Variants in BAIAP2L1 observed in about 807,000 individuals in gnomAD.
BAIAP2L1 encodes BAR/IMD domain-containing adapter protein 2-like 1.
A neutral mutation model predicts 66.3 loss-of-function variants in BAIAP2L1; 35 were observed. That is an observed-to-expected ratio of 0.53 (90% confidence interval 0.40 to 0.70). The LOEUF (loss-of-function observed/expected upper bound fraction) is 0.70, where lower values mean the gene tolerates loss of function less well. BAIAP2L1 is among the 30% of genes least tolerant of loss of function. The pLI is 0.00. For missense variants in BAIAP2L1, 622 were observed against 656.9 expected, an observed-to-expected ratio of 0.95 and a Z score of 0.58; for synonymous variants, 269 against 248.7, an observed-to-expected ratio of 1.08 and a Z score of -0.77.
chr7:98,312,047 C>A, intron 8 of BAIAP2L1, 50 bp downstream of exon 8: 1 of 1,530,236 alleles, frequency 6.5e-7, no homozygotes, highest in Admixed American at 2.1e-5. Context: ...TGGCCCAGAT[C>A]AAGTTAGGAA....
At chr7:98,378,031 C>T (rs1802674294) in intron 1 of BAIAP2L1, among the ~76,000 whole-genome samples, 1 of 151,610 alleles carries the variant, frequency 6.6e-6, no homozygotes, top group Non-Finnish European at 1.5e-5. Flanking sequence ...CAGCTACAGG[C>T]TGAGAACTGT....
chr7:98,303,999 CAAG>C, intron 12 of BAIAP2L1, among the ~76,000 whole-genome samples, 194 bp downstream of exon 12: 1 of 152,320 alleles, frequency 6.6e-6, no homozygotes, highest in East Asian at 1.9e-4. Context: ...GGGCTGAAGT[CAAG>C]GAGGTGAAAG....
At chr7:98,339,073 TAAA>T (rs34884828) in intron 3 of BAIAP2L1, among the ~76,000 whole-genome samples, 17 of 126,676 alleles carry the variant, frequency 1.3e-4, no homozygotes, top group East Asian at 9.1e-4. Flanking sequence ...ACTCTGTCTT[TAAA>T]AAAAAAAAAA....
At chr7:98,302,653 G>T (rs920456377) in intron 12 of BAIAP2L1, among the ~76,000 whole-genome samples, 3 of 152,188 alleles carry the variant, frequency 2.0e-5, no homozygotes, top group African/African-American at 7.2e-5. Flanking sequence ...CAAATGACTG[G>T]TTCTTCTACA....
At chr7:98,341,738 T>G (rs949064345) in intron 3 of BAIAP2L1, among the ~76,000 whole-genome samples, 1 of 152,140 alleles carries the variant, frequency 6.6e-6, no homozygotes, top group East Asian at 1.9e-4. Context: ...ATGATGATTA[T>G]AGGAGTTAAT....
At chr7:98,296,198 G>A (rs1383616284) in intron 12 of BAIAP2L1, among the ~76,000 whole-genome samples, 3 of 152,260 alleles carry the variant, frequency 2.0e-5, no homozygotes, top group Admixed American at 6.5e-5. Flanking sequence ...TTGGAGAAGG[G>A]ATGGTCACGG....
chr7:98,293,596 G>A lies in BAIAP2L1; in HGVS notation c.1461C>T (p.Ser487=), dbSNP rs536655068. The change falls in exon 14 of 14, where the codon AGC becomes AGT. Residue 487 remains serine, a splice_region_variant and synonymous_variant. Transcript: ENST00000005260. The stretch of plus-strand genomic sequence containing the variant: ...TCACAGTGGCAAAGGGGTTTTCTCC[G>A]CTGCAGGGGATAAGAAAAATCTTTC... ...ANGTAKPPFL[S]GENPFATVKL... 1.9e-5 allele frequency: 31 copies of A among 1,613,094 alleles called. No homozygotes were observed. Among genetic ancestry groups the A allele is most frequent in the East Asian group, 1.1e-4 (5 of 44,874 alleles).
chr7:98,314,355 T>C (rs1414492632), intron 7 of BAIAP2L1, among the ~76,000 whole-genome samples: 1 of 152,122 alleles, frequency 6.6e-6, no homozygotes, highest in Non-Finnish European at 1.5e-5. Flanking sequence ...CCAAAGTATT[T>C]TTCCTTTAAA....
intron 1 of BAIAP2L1, among the ~76,000 whole-genome samples, chr7:98,396,680 C>T (rs1179620318): frequency 6.6e-6 from 1 of 152,008 alleles, no homozygotes; most frequent in East Asian, 1.9e-4. Context: ...CCCAGCTACT[C>T]GGGAGGCTGA....
chr7:98,353,788 C>T (rs1418000787), intron 3 of BAIAP2L1, among the ~76,000 whole-genome samples: 5 of 148,854 alleles, frequency 3.4e-5, no homozygotes, highest in East Asian at 2.0e-4. Flanking sequence ...GGCGAAACCC[C>T]GTCTCTACTA....
intron 3 of BAIAP2L1, among the ~76,000 whole-genome samples, chr7:98,346,011 G>A (rs1011901630): frequency 6.6e-6 from 1 of 152,158 alleles, no homozygotes; most frequent in Non-Finnish European, 1.5e-5. Flanking sequence ...CTGCTAATGG[G>A]TGAGGGTTTC....
In BAIAP2L1 at chr7:98,317,291, A is replaced by G. The variant is rs368332505; in HGVS notation, c.414T>C (p.Ala138=). The G allele has an allele frequency of 6.2e-6, 10 of 1,614,036 alleles. No individual in the cohort carries two copies. Among genetic ancestry groups the G allele is most frequent in the Non-Finnish European group, 8.5e-6 (10 of 1,180,014 alleles). ...NKLESLEKSQ[A]ELKKIRRKSQ... Reference sequence around the variant, plus strand: ...TTTTCCTTCTGATCTTCTTCAACTCAGCTTGGGATTTCTCCAAAGACTCTA... The same window carrying G: ...TTTTCCTTCTGATCTTCTTCAACTCGGCTTGGGATTTCTCCAAAGACTCTA... The change falls in exon 6 of 14, where the codon GCT becomes GCC. Residue 138 remains alanine (A), a synonymous_variant. Coordinates refer to ENST00000005260, the MANE Select transcript of BAIAP2L1 (RefSeq NM_018842.5).
At chr7:98,363,196 A>G (rs1047876397) in intron 1 of BAIAP2L1, among the ~76,000 whole-genome samples, 2 of 151,610 alleles carry the variant, frequency 1.3e-5, no homozygotes, top group African/African-American at 4.8e-5. Context: ...CACCACACCC[A>G]GCTAATTTTT....
chr7:98,362,437 C>A lies in BAIAP2L1; in HGVS notation c.52-5G>T. ...ATTGAACTGTTCCATAACATTCTGC[C>A]AAACAAACAAAACACACAAATTAAT... is the stretch of plus-strand genomic sequence containing the variant. On this transcript the variant is annotated splice_region_variant and splice_polypyrimidine_tract_variant and intron_variant, in intron 1 of 13. Coordinates refer to ENST00000005260, the MANE Select transcript of BAIAP2L1 (RefSeq NM_018842.5). 6.3e-7 allele frequency: 1 copy of A among 1,592,386 alleles called. No homozygotes were observed. The highest frequency in any genetic ancestry group is 1.4e-5 in the African/African-American group (1 of 73,712).
chr7:98,364,938 G>A (rs752730289), intron 1 of BAIAP2L1, among the ~76,000 whole-genome samples: 50 of 121,698 alleles, frequency 4.1e-4, no homozygotes, highest in Non-Finnish European at 7.2e-4. Context: ...AGTTAGTTGT[G>A]ACTGCACCAC....
chr7:98,310,355 G>A, intron 9 of BAIAP2L1, 90 bp downstream of exon 9: 1 of 1,421,032 alleles, frequency 7.0e-7, no homozygotes, highest in Non-Finnish European at 9.6e-7. Context: ...TCCAAACCTT[G>A]CAATACATTT....
At chr7:98,399,816 C>A (rs995095457) in intron 1 of BAIAP2L1, among the ~76,000 whole-genome samples, 2 of 152,206 alleles carry the variant, frequency 1.3e-5, no homozygotes, top group Non-Finnish European at 2.9e-5. Flanking sequence ...GCTATCAACG[C>A]ATTCCTTAAG....
rs1800894510 is a variant in BAIAP2L1, at chr7:98,312,082, A to G, written c.807+15T>C. 5 of 1,576,844 alleles carry G rather than the reference A, an allele frequency of 3.2e-6. No individual in the cohort carries two copies. Among genetic ancestry groups the G allele is most frequent in the South Asian group, 2.3e-5 (2 of 85,416 alleles). On this transcript the variant is annotated intron_variant, in intron 8 of 13. Coordinates refer to ENST00000005260, the MANE Select transcript of BAIAP2L1 (RefSeq NM_018842.5). Reference sequence around the variant, plus strand: ...AACACACGATTGAAATCTGGAAGAGAAAACTGGCTCCTACCACATTGCTTC... The same window carrying G: ...AACACACGATTGAAATCTGGAAGAGGAAACTGGCTCCTACCACATTGCTTC...
chr7:98,331,444 T>C (rs560846308), intron 3 of BAIAP2L1, among the ~76,000 whole-genome samples: 1 of 148,566 alleles, frequency 6.7e-6, no homozygotes, highest in African/African-American at 2.5e-5. Context: ...ATTCAAACTG[T>C]AGACTAGCAA....
Sources: allele counts gnomAD v4.1 joint callset (sites outside exome capture counted in the v4.1 genomes callset), GRCh38; gene constraint gnomAD v4.1.1; transcripts MANE v1.5; gene names NCBI Gene and HGNC (gene_info 2026-07-23, HGNC 2026-07-21).